DLGAP2: variants seen among roughly 807,000 people sequenced by gnomAD.
DLGAP2 encodes DLG associated protein 2.
DLGAP2 carries 26 observed loss-of-function variants against 100.3 expected under a neutral mutation model. That is an observed-to-expected ratio of 0.26 (90% CI 0.19 to 0.36). DLGAP2 has a LOEUF of 0.36. Among genes scored for constraint, DLGAP2 ranks in the 10% least tolerant of loss-of-function variants. The pLI is 1.00. For missense variants in DLGAP2, 1,858 were observed against 1,453.2 expected (o/e 1.28, Z -4.53); for synonymous variants, 886 against 630.1 (o/e 1.41, Z -6.08).
chr8:1,581,238 C>G (rs1427604496), intron 6 of DLGAP2, among the ~76,000 whole-genome samples: 1 of 149,970 alleles, frequency 6.7e-6, no homozygotes, highest in African/African-American at 2.5e-5. Flanking sequence ...AGACAAAACC[C>G]CGCACATATA....
chr8:1,239,985 A>G (rs1278116747), intron 2 of DLGAP2, among the ~76,000 whole-genome samples: 3 of 137,300 alleles, frequency 2.2e-5, no homozygotes, highest in Non-Finnish European at 3.1e-5. Flanking sequence ...CGTCTTGTCT[A>G]GTTCTCTCTC....
chr8:1,458,888 C>T (rs548508915), intron 3 of DLGAP2, among the ~76,000 whole-genome samples: 65 of 152,290 alleles, frequency 4.3e-4, no homozygotes, highest in African/African-American at 1.3e-3. Context: ...GTAGGCTGTG[C>T]TAGGGCCTCT....
intron 4 of DLGAP2, among the ~76,000 whole-genome samples, chr8:1,502,056 T>C (rs1052266151): frequency 6.6e-6 from 1 of 152,250 alleles, no homozygotes; most frequent in African/African-American, 2.4e-5. Context: ...AGATGTGAAA[T>C]GTTGAATACA....
chr8:1,217,192 T>C (rs1798231682), intron 2 of DLGAP2, among the ~76,000 whole-genome samples: 1 of 152,188 alleles, frequency 6.6e-6, no homozygotes, highest in Non-Finnish European at 1.5e-5. Context: ...CTCTCAATTA[T>C]CAGGGAGAAC....
At chr8:1,164,234 C>CTG (rs1563224322) in intron 2 of DLGAP2, among the ~76,000 whole-genome samples, 1 of 83,378 alleles carries the variant, frequency 1.2e-5, no homozygotes, top group Non-Finnish European at 2.2e-5. Flanking sequence ...TTTGTGGGGA[C>CTG]AGATTTTTCT....
intron 2 of DLGAP2, among the ~76,000 whole-genome samples, chr8:1,038,643 A>G (rs12675432): frequency 0.057 from 8,733 of 152,278 alleles, 412 homozygotes; most frequent in East Asian, 0.14. Flanking sequence ...TAGCACTTTA[A>G]TTTCACAATG....
intron 3 of DLGAP2, among the ~76,000 whole-genome samples, chr8:1,400,871 A>G (rs375203682): frequency 0.12 from 1 of 8 alleles, no homozygotes; most frequent in African/African-American, 0.5. Flanking sequence ...CTCGTCCTCC[A>G]GAGTCGTGTA....
At chr8:1,353,890 GA>G (rs1286117411) in intron 3 of DLGAP2, among the ~76,000 whole-genome samples, 8 of 152,076 alleles carry the variant, frequency 5.3e-5, no homozygotes, top group Admixed American at 5.2e-4. Context: ...CCCTAGAGGG[GA>G]AAAAAATCAG....
At chr8:1,462,418 G>GT (rs1798485350) in intron 3 of DLGAP2, among the ~76,000 whole-genome samples, 1 of 99,962 alleles carries the variant, frequency 1.0e-5, no homozygotes, top group African/African-American at 3.5e-5. Context: ...AGCTGCTGCT[G>GT]TCACAGGACT....
intron 1 of DLGAP2, chr8:738,702 G>A (rs1460992252): frequency 6.5e-6 from 1 of 153,418 alleles, no homozygotes; most frequent in Non-Finnish European, 1.4e-5. Context: ...GCTGGGCTGG[G>A]CTGGACTGGA....
intron 2 of DLGAP2, among the ~76,000 whole-genome samples, chr8:1,204,359 TG>T (rs1328240897): frequency 6.6e-6 from 1 of 152,162 alleles, no homozygotes; most frequent in Non-Finnish European, 1.5e-5. Flanking sequence ...CCGGGGATTC[TG>T]GGATTTAAAG....
intron 1 of DLGAP2, among the ~76,000 whole-genome samples, chr8:761,189 C>G (rs1455203037): frequency 3.3e-5 from 5 of 152,156 alleles, no homozygotes; most frequent in East Asian, 1.9e-4. Flanking sequence ...CTGCTCCCCC[C>G]CACTTTACTT....
At chr8:1,489,635 T>C (rs921917294) in intron 3 of DLGAP2, among the ~76,000 whole-genome samples, 3 of 152,146 alleles carry the variant, frequency 2.0e-5, no homozygotes, top group African/African-American at 7.2e-5. Flanking sequence ...GCACAAAAAA[T>C]TTAAAGAGAA....
chr8:1,389,343 G>A (rs1185470389), intron 3 of DLGAP2, among the ~76,000 whole-genome samples: 2 of 152,028 alleles, frequency 1.3e-5, no homozygotes, highest in African/African-American at 4.8e-5. Flanking sequence ...CAGTGGGGAG[G>A]GTGGCTGCAG....
intron 6 of DLGAP2, among the ~76,000 whole-genome samples, chr8:1,603,605 G>T: frequency 6.6e-6 from 1 of 150,500 alleles, no homozygotes; most frequent in South Asian, 2.1e-4. Context: ...TAGAGTGGAG[G>T]CTGGGTCTCA....
chr8:1,647,916 A>C (rs6558504), intron 8 of DLGAP2, among the ~76,000 whole-genome samples: 1 of 152,038 alleles, frequency 6.6e-6, no homozygotes, highest in South Asian at 2.1e-4. Context: ...GAAAAAGCGT[A>C]AGGAAGTTCC....
At chr8:1,196,386 C>G (rs139000654) in intron 2 of DLGAP2, among the ~76,000 whole-genome samples, 2 of 152,300 alleles carry the variant, frequency 1.3e-5, no homozygotes, top group African/African-American at 2.4e-5. Flanking sequence ...AGCACAGGGG[C>G]TAACACAGGG....
At chr8:764,766 T>A (rs966632694) in intron 1 of DLGAP2, among the ~76,000 whole-genome samples, 2 of 152,206 alleles carry the variant, frequency 1.3e-5, no homozygotes, top group African/African-American at 4.8e-5. Flanking sequence ...AAGGGGCTCA[T>A]AACTTGCAGG....
At chr8:1,142,595 C>G (rs758664846) in intron 2 of DLGAP2, among the ~76,000 whole-genome samples, 17 of 152,204 alleles carry the variant, frequency 1.1e-4, no homozygotes, top group South Asian at 2.1e-4. Flanking sequence ...TCAATTCATG[C>G]TTGTTCTGTA....
Sources: gnomAD v4.1 joint callset for allele counts (sites outside exome capture counted in the v4.1 genomes callset) on GRCh38, gnomAD v4.1.1 for gene constraint, MANE v1.5 for transcripts, NCBI Gene and HGNC (gene_info 2026-07-23, HGNC 2026-07-21) for gene names.